The following KAZN variants were observed in gnomAD, a reference collection of about 807,000 sequenced individuals.
KAZN encodes kazrin, periplakin interacting protein.
Under a neutral mutation model 87.4 loss-of-function variants are expected in KAZN, and 40 were observed. The observed-to-expected ratio is 0.46, with a 90% CI of 0.36 to 0.60. The LOEUF is 0.60. Ranked by LOEUF, KAZN falls within the 20% of genes least tolerant of loss-of-function variation. KAZN has a pLI of 0.00. For missense variants in KAZN, 898 were observed against 1,073.9 expected, an observed-to-expected ratio of 0.84 and a Z score of 2.29; for synonymous variants, 466 against 458.3, an observed-to-expected ratio of 1.02 and a Z score of -0.22.
chr1:14,514,434 TAATTGC>T (rs1671145008), intron 2 of KAZN, among the ~76,000 whole-genome samples: 1 of 21,896 alleles, frequency 4.6e-5, no homozygotes, highest in Non-Finnish European at 8.8e-5. Flanking sequence ...ATAATATATA[TAATTGC>T]AAAATATATA....
chr1:14,777,634 C>T (rs760724712), intron 1 of KAZN, among the ~76,000 whole-genome samples: 42 of 152,328 alleles, frequency 2.8e-4, no homozygotes, highest in Non-Finnish European at 3.5e-4. Context: ...TGCAATTGCT[C>T]TTCCTTCTTG....
At position 14,993,115 on chromosome 1, in the gene KAZN, T is replaced by C. The variant is rs372320757; in HGVS notation, c.418+32240T>C. Among the ~76,000 whole-genome samples, 91 of 147,984 alleles carry C rather than the reference T, an allele frequency of 6.1e-4. 1 individual carries two copies. In the South Asian group the frequency reaches 0.02, roughly 32 times the overall value. On this transcript the variant is annotated intron_variant, in intron 2 of 14. Coordinates refer to ENST00000376030, the MANE Select transcript of KAZN (RefSeq NM_201628.3). Reference sequence around the variant, plus strand: ...GTGCTGGGATTACAGATGTGAGCCATCGCGCCCAGTCTGGGAGCCTTTGTA... The same window carrying C: ...GTGCTGGGATTACAGATGTGAGCCACCGCGCCCAGTCTGGGAGCCTTTGTA...
At chr1:13,917,008 A>G (rs1639878431) in intron 1 of KAZN, among the ~76,000 whole-genome samples, 1 of 151,854 alleles carries the variant, frequency 6.6e-6, no homozygotes, top group African/African-American at 2.4e-5. Context: ...CTTGATTTCT[A>G]TTTGATTCGA....
intron 2 of KAZN, among the ~76,000 whole-genome samples, chr1:14,373,386 G>C (rs1032493594): frequency 1.6e-4 from 24 of 152,012 alleles, no homozygotes; most frequent in African/African-American, 5.8e-4. Flanking sequence ...TGTAAGTCCC[G>C]GTCCAAGAGC....
intron 2 of KAZN, among the ~76,000 whole-genome samples, chr1:15,008,592 C>T (rs1669264635): frequency 6.6e-6 from 1 of 152,214 alleles, no homozygotes; most frequent in African/African-American, 2.4e-5. Flanking sequence ...CCCTCTGGAA[C>T]AGGCAGGTTC....
chr1:14,057,117 T>C (rs1570633152), intron 1 of KAZN, among the ~76,000 whole-genome samples: 1 of 151,702 alleles, frequency 6.6e-6, no homozygotes, highest in African/African-American at 2.4e-5. Flanking sequence ...TTTAACATTC[T>C]TTTTTTTGTT....
At chr1:15,098,810 C>G (rs940730117) in intron 10 of KAZN, among the ~76,000 whole-genome samples, 2 of 152,244 alleles carry the variant, frequency 1.3e-5, no homozygotes, top group Non-Finnish European at 2.9e-5. Flanking sequence ...CCCGCTCACC[C>G]AGCACTGCTC....
At chr1:14,976,167 T>C (rs1351855475) in intron 2 of KAZN, among the ~76,000 whole-genome samples, 1 of 152,174 alleles carries the variant, frequency 6.6e-6, no homozygotes, top group Non-Finnish European at 1.5e-5. Context: ...TTTTTTATTT[T>C]ATATTCATTC....
At chr1:14,811,183 G>T (rs1178899722) in intron 1 of KAZN, among the ~76,000 whole-genome samples, 1 of 152,106 alleles carries the variant, frequency 6.6e-6, no homozygotes, top group Non-Finnish European at 1.5e-5. Flanking sequence ...GGATTTTTGT[G>T]GTGCTTTTTC....
chr1:15,058,914 C>T lies in KAZN; in HGVS notation c.917-1258C>T, dbSNP rs555051451. Among the ~76,000 whole-genome samples the T allele has an allele frequency of 1.3e-4, 20 of 151,906 alleles. No individual in the cohort carries two copies. The East Asian group carries it at 3.5e-3, about 27-fold the overall frequency. On this transcript the variant is annotated intron_variant, in intron 5 of 14. Coordinates refer to ENST00000376030, the MANE Select transcript of KAZN (RefSeq NM_201628.3). Reference sequence around the variant, plus strand: ...GCAGATGCCTGTAATCCCAGCTACTCGGGAGGCTGAGGCAGGAGAATCACT... The same window carrying T: ...GCAGATGCCTGTAATCCCAGCTACTTGGGAGGCTGAGGCAGGAGAATCACT...
chr1:14,307,074 A>G (rs1654979936), intron 2 of KAZN, among the ~76,000 whole-genome samples: 1 of 152,216 alleles, frequency 6.6e-6, no homozygotes, highest in African/African-American at 2.4e-5. Flanking sequence ...CCCAGCAGAA[A>G]GCAGAGTACA....
chr1:14,397,560 A>G (rs2101117412), intron 2 of KAZN, among the ~76,000 whole-genome samples: 2 of 152,292 alleles, frequency 1.3e-5, no homozygotes, highest in Middle Eastern at 6.8e-3. Flanking sequence ...TCTGACCAAT[A>G]GAATAAGGCA....
chr1:14,825,768 C>G (rs1266986552), intron 1 of KAZN, among the ~76,000 whole-genome samples: 1 of 152,208 alleles, frequency 6.6e-6, no homozygotes, highest in Non-Finnish European at 1.5e-5. Context: ...TCATACCTTA[C>G]CTTGCGTGTC....
chr1:14,342,608 G>C (rs966345752), intron 2 of KAZN, among the ~76,000 whole-genome samples: 1 of 152,148 alleles, frequency 6.6e-6, no homozygotes, highest in Non-Finnish European at 1.5e-5. Context: ...CGAACCCAAT[G>C]CTTGGCACAC....
chr1:14,878,254 G>T (rs12748696), intron 1 of KAZN, among the ~76,000 whole-genome samples: 1 of 151,834 alleles, frequency 6.6e-6, no homozygotes. Flanking sequence ...ACCAGAACAG[G>T]GCTTCTCAAC....
intron 2 of KAZN, among the ~76,000 whole-genome samples, chr1:14,575,225 G>A (rs143602971): frequency 1.5e-3 from 228 of 152,062 alleles, no homozygotes; most frequent in African/African-American, 5.1e-3. Flanking sequence ...GGGTAGTAGT[G>A]GATTAGTCTG....
intron 1 of KAZN, among the ~76,000 whole-genome samples, chr1:14,810,925 C>G (rs1244341506): frequency 3.9e-5 from 6 of 152,262 alleles, no homozygotes; most frequent in Admixed American, 3.9e-4. Context: ...CCATGGCCAG[C>G]TTGTCCTTCT....
chr1:14,832,500 G>A (rs1647078517), intron 1 of KAZN, among the ~76,000 whole-genome samples: 1 of 152,150 alleles, frequency 6.6e-6, no homozygotes, highest in Non-Finnish European at 1.5e-5. Flanking sequence ...TGGATCTAGG[G>A]TCTAGGCTAA....
rs1006665113 is a variant in KAZN at position 14,334,194 on chromosome 1, C to T, written c.249+153602C>T. ...CAGCCTGACCAACATGGTGAAACCC[C>T]GTCTCTACTAAAAATACAAAATTAG... On this transcript the variant is annotated intron_variant, in intron 2 of 16. Coordinates refer to the KAZN transcript ENST00000636203. Among the ~76,000 whole-genome samples, 4 of 151,712 alleles carry T rather than the reference C, an allele frequency of 2.6e-5. No homozygotes were observed. The South Asian group carries it at 6.2e-4, about 24-fold the overall frequency.
Sources: gnomAD v4.1 joint callset for allele counts (sites outside exome capture counted in the v4.1 genomes callset) on GRCh38, gnomAD v4.1.1 for gene constraint, MANE v1.5 for transcripts, NCBI Gene and HGNC (gene_info 2026-07-23, HGNC 2026-07-21) for gene names.